ADGRB3: variants seen among roughly 807,000 people sequenced by gnomAD.
The protein encoded by ADGRB3 is brain-specific angiogenesis inhibitor 3.
In ADGRB3, 37 loss-of-function variants were observed where a neutral mutation model predicts 193.4. The ratio of observed to expected loss-of-function variants is 0.19; its 90% CI spans 0.15 to 0.25. The LOEUF (loss-of-function observed/expected upper bound fraction) is 0.25. ADGRB3 is among the 10% of genes least tolerant of loss of function. ADGRB3 has a pLI of 1.00. For missense variants in ADGRB3, 1,637 were observed against 1,852.9 expected, an observed-to-expected ratio of 0.88 and a Z score of 2.14; for synonymous variants, 690 against 644.2, an observed-to-expected ratio of 1.07 and a Z score of -1.08.
intron 20 of ADGRB3, among the ~76,000 whole-genome samples, chr6:69,312,830 C>T (rs1313721226): frequency 6.6e-6 from 1 of 151,614 alleles, no homozygotes; most frequent in Non-Finnish European, 1.5e-5. Flanking sequence ...GCAGAATGTT[C>T]CATGTGTGTT....
At chr6:68,741,482 G>C (rs1283848177) in intron 3 of ADGRB3, among the ~76,000 whole-genome samples, 1 of 152,114 alleles carries the variant, frequency 6.6e-6, no homozygotes, top group Admixed American at 6.5e-5. Flanking sequence ...CACCTCGCCA[G>C]CTCAAGCCAT....
chr6:68,655,887 T>C (rs1399849428), intron 3 of ADGRB3, among the ~76,000 whole-genome samples: 2 of 151,678 alleles, frequency 1.3e-5, no homozygotes, highest in African/African-American at 4.8e-5. Flanking sequence ...TCTGCAAATA[T>C]GGATGTTCCT....
At chr6:69,377,391 C>T (rs1333544712) in intron 30 of ADGRB3, among the ~76,000 whole-genome samples, 1 of 151,988 alleles carries the variant, frequency 6.6e-6, no homozygotes, top group East Asian at 1.9e-4. Flanking sequence ...TTCCTCTTCA[C>T]CAAATTGGAT....
Position 69,023,639 on chromosome 6 carries a change from T to A in ADGRB3, c.2107+5140T>A, listed in dbSNP as rs1026072315. ...TCTGAATTCTAAAGATAATAGGGAG[T>A]CACTGAATCTTTACCTGACAAGAGT... On this transcript the variant is annotated intron_variant, in intron 13 of 31. Transcript: ENST00000370598. 1.7e-4 allele frequency among the ~76,000 whole-genome samples: 26 copies of A among 151,876 alleles called. 1 individual carries two copies. The highest frequency in any genetic ancestry group is 1.6e-3 in the Admixed American group (25 of 15,242).
intron 17 of ADGRB3, among the ~76,000 whole-genome samples, chr6:69,149,011 G>A (rs1774586419): frequency 2.0e-5 from 3 of 151,952 alleles, no homozygotes; most frequent in Admixed American, 2.0e-4. Context: ...AGATTGCCTA[G>A]GTATCTTGAG....
rs145757411 is a variant in ADGRB3, at chr6:68,798,959, G to A, written c.758-131600G>A. On this transcript the variant is annotated intron_variant, in intron 3 of 31. Coordinates refer to ENST00000370598, the MANE Select transcript of ADGRB3 (RefSeq NM_001704.3). ...GGTTGAGGACCCTGGCAAGGTTATGGGTGAAAAGACAGCAAACTGATTGCT... is the reference window on the plus strand; with the variant it reads ...GGTTGAGGACCCTGGCAAGGTTATGAGTGAAAAGACAGCAAACTGATTGCT... Among the ~76,000 whole-genome samples, 553 of 152,244 alleles carry A rather than the reference G, an allele frequency of 3.6e-3. 4 individuals carry two copies. The highest frequency in any genetic ancestry group is 0.013 in the African/African-American group (535 of 41,552).
At chr6:69,228,339 G>A (rs1408908453) in intron 17 of ADGRB3, among the ~76,000 whole-genome samples, 1 of 152,188 alleles carries the variant, frequency 6.6e-6, no homozygotes, top group Non-Finnish European at 1.5e-5. Context: ...GGGATTCAAA[G>A]TCGACATAAT....
chr6:68,740,187 G>A (rs755402446), intron 3 of ADGRB3, among the ~76,000 whole-genome samples: 60 of 152,280 alleles, frequency 3.9e-4, no homozygotes, highest in Non-Finnish European at 7.2e-4. Context: ...TTTAGGGAAT[G>A]GAAGTCTGTG....
At chr6:69,254,962 G>T (rs572117745) in intron 20 of ADGRB3, among the ~76,000 whole-genome samples, 14 of 149,200 alleles carry the variant, frequency 9.4e-5, no homozygotes, top group African/African-American at 3.5e-4. Context: ...GTGGTGTTTG[G>T]TTTTTTGTTC....
intron 3 of ADGRB3, among the ~76,000 whole-genome samples, chr6:68,763,150 G>T (rs1449951314): frequency 6.7e-6 from 1 of 149,652 alleles, no homozygotes; most frequent in Non-Finnish European, 1.5e-5. Context: ...GAGTGCAATG[G>T]CACGATCTTG....
chr6:69,205,445 C>CA (rs1165860211), intron 17 of ADGRB3, among the ~76,000 whole-genome samples: 2 of 148,516 alleles, frequency 1.3e-5, no homozygotes, highest in Admixed American at 1.3e-4. Flanking sequence ...AACAAACAAA[C>CA]AACAAACAAA....
chr6:68,798,950 A>G (rs1198324913), intron 3 of ADGRB3, among the ~76,000 whole-genome samples: 2 of 152,200 alleles, frequency 1.3e-5, no homozygotes, highest in Non-Finnish European at 2.9e-5. Flanking sequence ...GGACCCTGGC[A>G]AGGTTATGGG....
intron 6 of ADGRB3, among the ~76,000 whole-genome samples, chr6:68,949,362 A>G (rs567014348): frequency 6.6e-6 from 1 of 152,172 alleles, no homozygotes; most frequent in Admixed American, 6.5e-5. Flanking sequence ...GCCATGTTGC[A>G]GATTCCAGAT....
intron 8 of ADGRB3, among the ~76,000 whole-genome samples, chr6:68,960,191 A>G (rs10485431): frequency 0.1 from 15,814 of 152,146 alleles, 1,066 homozygotes; most frequent in Non-Finnish European, 0.15. Context: ...TACCATTTAC[A>G]AGTAAAAATT....
intron 17 of ADGRB3, 21 bp from the exon 18 acceptor site, chr6:69,233,269 C>G: frequency 1.9e-6 from 3 of 1,610,572 alleles, no homozygotes; most frequent in Non-Finnish European, 1.7e-6. Context: ...CGATTTCCTC[C>G]CCCCTCACTC....
chr6:69,030,943 CTTTTCTTTTCTTT>C lies in ADGRB3; in HGVS notation c.2107+12459_2107+12471del, dbSNP rs1175272390. Among the ~76,000 whole-genome samples the C allele has an allele frequency of 4.4e-3, 268 of 60,606 alleles. 35 individuals are homozygous for C. The highest frequency in any genetic ancestry group is 0.022 in the Middle Eastern group (2 of 92). The allele number at this position is 60,606 out of a possible 152,430, so 39.8% of individuals were successfully genotyped here. A position where few individuals can be genotyped will look rare whatever the true frequency, so the allele number is the denominator to read the frequency against. ...CACAAACATTTTGGGTTTTAATTTT[CTTTTCTTTTCTTT>C]TTTTCTTTTCTTTTCTTTTCTTTTC... On this transcript the variant is annotated intron_variant, in intron 13 of 31. Coordinates refer to ENST00000370598, the MANE Select transcript of ADGRB3 (RefSeq NM_001704.3).
intron 20 of ADGRB3, among the ~76,000 whole-genome samples, chr6:69,244,213 TA>T (rs1250484967): frequency 6.6e-6 from 1 of 151,780 alleles, no homozygotes; most frequent in African/African-American, 2.4e-5. Flanking sequence ...TCCCGTTCTC[TA>T]TTATGTTTTC....
chr6:69,064,790 C>T (rs933524189), intron 16 of ADGRB3, among the ~76,000 whole-genome samples: 1 of 151,770 alleles, frequency 6.6e-6, no homozygotes, highest in Admixed American at 6.6e-5. Flanking sequence ...ACTTAAAGGA[C>T]ATGTTAAAGG....
intron 3 of ADGRB3, among the ~76,000 whole-genome samples, chr6:68,696,453 G>T (rs796654855): frequency 2.0e-5 from 3 of 151,236 alleles, no homozygotes; most frequent in Admixed American, 6.6e-5. Context: ...ATGGGATTTT[G>T]CACAACCTAA....
Sources: allele counts gnomAD v4.1 joint callset (sites outside exome capture counted in the v4.1 genomes callset), GRCh38; gene constraint gnomAD v4.1.1; transcripts MANE v1.5; gene names NCBI Gene and HGNC (gene_info 2026-07-23, HGNC 2026-07-21).